Variants in MISP observed in about 807,000 individuals in gnomAD.
MISP encodes mitotic spindle positioning, also known as mitotic interactor and substrate of PLK1.
MISP carries 51 observed loss-of-function variants against 49.3 expected under a neutral mutation model. The observed-to-expected ratio is 1.03, with a 90% CI of 0.83 to 1.31. The LOEUF (loss-of-function observed/expected upper bound fraction) is 1.31. Ranked by LOEUF, MISP falls within the 50% of genes most tolerant of loss-of-function variation. MISP has a pLI of 0.00. For missense variants in MISP, 1,084 were observed against 935.1 expected, an observed-to-expected ratio of 1.16 and a Z score of -2.08; for synonymous variants, 444 against 392.6, an observed-to-expected ratio of 1.13 and a Z score of -1.55.
chr19:763,465 AC>A, intron 4 of MISP, 35 bp from the exon 5 acceptor site: 1 of 1,494,220 alleles, frequency 6.7e-7, no homozygotes, highest in Non-Finnish European at 9.3e-7. Context: ...GTGTGGTAGG[AC>A]CTGGATCGGG....
chr19:763,276 C>T (rs774530382), intron 4 of MISP, among the ~76,000 whole-genome samples: 11 of 152,166 alleles, frequency 7.2e-5, no homozygotes, highest in Non-Finnish European at 1.5e-4. Context: ...GACTCCATCT[C>T]AAAAACAAAC....
chr19:760,117 G>A, intron 3 of MISP, 78 bp downstream of exon 3: 2 of 1,569,124 alleles, frequency 1.3e-6, no homozygotes, highest in East Asian at 2.3e-5. Flanking sequence ...AGTTCAAGCA[G>A]GACTCAAGCC....
In MISP at chr19:763,719, A is replaced by G. The variant is rs1326420113; in HGVS notation, c.*129A>G. 3.0e-6 allele frequency: 2 copies of G among 660,260 alleles called. No individual in the cohort carries two copies. Among genetic ancestry groups the G allele is most frequent in the Non-Finnish European group, 5.4e-6 (2 of 372,220 alleles). 40.9% of individuals were successfully genotyped at this position (660,260 alleles called of 1,614,324 possible). A position where few individuals can be genotyped will look rare whatever the true frequency, so the allele number is the denominator to read the frequency against. ...ATCCAAGAACCACAGCTCATCTGCCAACAATCCCACCATGGGCACATTTGG... is the reference window on the plus strand; with the variant it reads ...ATCCAAGAACCACAGCTCATCTGCCGACAATCCCACCATGGGCACATTTGG... On this transcript the variant is annotated 3_prime_UTR_variant, in exon 5 of 5. Transcript: ENST00000215582.
chr19:749,566 C>T (rs921850696), upstream of MISP, among the ~76,000 whole-genome samples: 3 of 152,190 alleles, frequency 2.0e-5, no homozygotes, highest in East Asian at 3.9e-4. Context: ...CGCCGTGGCT[C>T]GCGCCTGTAA....
chr19:758,651 C>G lies in MISP; in HGVS notation c.1705C>G (p.Leu569Val), dbSNP rs771367454. 11 of 1,614,118 alleles carry G rather than the reference C, an allele frequency of 6.8e-6. No homozygotes were observed. The East Asian group carries it at 1.8e-4, about 26-fold the overall frequency. The change falls in exon 2 of 5, where the codon CTC (leucine) becomes GTC (valine). Residue 569 changes from leucine to valine, a missense_variant. Coordinates refer to ENST00000215582, the MANE Select transcript of MISP (RefSeq NM_173481.4). ...QEVAEERRNA[L>V]FPEVFSPTPD... The stretch of plus-strand genomic sequence containing the variant: ...GGTGGCAGAGGAGCGGAGAAATGCT[C>G]TCTTCCCAGAGGTCTTCTCCCCAAC...
At chr19:748,963 C>T (rs1337049619), upstream of MISP, among the ~76,000 whole-genome samples, 1 of 152,158 alleles carries the variant, frequency 6.6e-6, no homozygotes, top group Non-Finnish European at 1.5e-5. Context: ...ATACTGAAAC[C>T]CTGTCTCTAC....
chr19:762,964 C>T (rs568909753), intron 4 of MISP, among the ~76,000 whole-genome samples: 140 of 152,308 alleles, frequency 9.2e-4, no homozygotes, highest in Admixed American at 3.8e-3. Context: ...GAGCCACTAT[C>T]GCCTGACCCC....
chr19:760,508 G>A (rs1204672777), intron 3 of MISP: 1 of 157,122 alleles, frequency 6.4e-6, no homozygotes, highest in African/African-American at 2.4e-5. Flanking sequence ...TGGGATTACA[G>A]GCGTGCACCA....
Position 757,560 on chromosome 19 carries a change from A to G in MISP, c.614A>G (p.Gln205Arg), listed in dbSNP as rs138591209. The G allele has an allele frequency of 3.2e-4, 509 of 1,612,884 alleles. 2 individuals are homozygous for G. Among genetic ancestry groups the G allele is most frequent in the Middle Eastern group, 3.0e-3 (18 of 6,060 alleles). Reference sequence around the variant, plus strand: ...AGACAGCAGTTCCTGAGTCTGGAGCAGGCGAACAAGGGGGCCCCTCATAGC... The same window carrying G: ...AGACAGCAGTTCCTGAGTCTGGAGCGGGCGAACAAGGGGGCCCCTCATAGC... The part of the protein sequence containing the change: ...AARQQFLSLE[Q>R]ANKGAPHSSP... The change falls in exon 2 of 5, where the codon CAG becomes CGG. Residue 205 changes from glutamine (Q) to arginine (R), a missense_variant. Transcript: ENST00000215582.
chr19:761,592 AG>A, intron 3 of MISP, 32 bp from the exon 4 acceptor site: 1 of 1,613,872 alleles, frequency 6.2e-7, no homozygotes, highest in South Asian at 1.1e-5. Context: ...CAGGGCAGAA[AG>A]GCCTGGGCTG....
upstream of MISP, among the ~76,000 whole-genome samples, chr19:750,937 C>T (rs180830553): frequency 3.8e-4 from 58 of 152,248 alleles, 1 homozygote; most frequent in East Asian, 1.9e-4. Context: ...GAGGGGCAGC[C>T]GGCAGCGGGC....
Position 763,708 on chromosome 19 carries a change from G to A in MISP, c.*118G>A. ...CTAGGTCCAGGATCCAAGAACCACA[G>A]CTCATCTGCCAACAATCCCACCATG... On this transcript the variant is annotated 3_prime_UTR_variant, in exon 5 of 5. Coordinates refer to ENST00000215582, the MANE Select transcript of MISP (RefSeq NM_173481.4). 1.4e-6 allele frequency: 1 copy of A among 692,048 alleles called. No individual in the cohort carries two copies. Among genetic ancestry groups the A allele is most frequent in the Non-Finnish European group, 2.5e-6 (1 of 396,208 alleles). 42.9% of individuals were successfully genotyped at this position (692,048 alleles called of 1,614,324 possible). A position where few individuals can be genotyped will look rare whatever the true frequency, so the allele number is the denominator to read the frequency against.
At chr19:752,556 G>T (rs1428673967) in intron 1 of MISP, among the ~76,000 whole-genome samples, 2 of 150,170 alleles carry the variant, frequency 1.3e-5, no homozygotes, top group Admixed American at 6.6e-5. Context: ...GGTGGGCACT[G>T]AGGCACAGGC....
At chr19:753,259 C>T (rs983266591) in intron 1 of MISP, among the ~76,000 whole-genome samples, 1 of 152,214 alleles carries the variant, frequency 6.6e-6, no homozygotes, top group African/African-American at 2.4e-5. Flanking sequence ...ACATTTGATA[C>T]GCGCGGAAGA....
chr19:752,339 C>T (rs1457169718), intron 1 of MISP, among the ~76,000 whole-genome samples: 2 of 152,100 alleles, frequency 1.3e-5, no homozygotes, highest in African/African-American at 2.4e-5. Context: ...TTTTGGCCGA[C>T]ACAGTGAAAC....
rs775076127 is a variant in MISP, at chr19:758,495, C to T, written c.1549C>T (p.Pro517Ser). ...RPLRFRAPDE[P>S]QQAQVPHVWG... Reference sequence around the variant, plus strand: ...TCTGCGGTTCAGGGCCCCAGACGAGCCCCAGCAGGCCCAAGTCCCCCATGT... The same window carrying T: ...TCTGCGGTTCAGGGCCCCAGACGAGTCCCAGCAGGCCCAAGTCCCCCATGT... Residue 517 changes from proline (P) to serine (S), a missense_variant, in exon 2 of 5, where the codon CCC becomes TCC. By Grantham distance (74) the Pro-to-Ser change is moderately conservative (BLOSUM62 -1). Coordinates refer to ENST00000215582, the MANE Select transcript of MISP (RefSeq NM_173481.4). 8.1e-6 allele frequency: 13 copies of T among 1,613,972 alleles called. No homozygotes were observed. The highest frequency in any genetic ancestry group is 3.3e-5 in the South Asian group (3 of 91,086).
chr19:755,285 G>A (rs1044623790), intron 1 of MISP, among the ~76,000 whole-genome samples: 1 of 152,184 alleles, frequency 6.6e-6, no homozygotes, highest in Non-Finnish European at 1.5e-5. Flanking sequence ...GGTGTCACCC[G>A]CTCGCTCCAC....
Position 751,899 on chromosome 19 carries a change from A to AG in MISP, c.-58+731dup, listed in dbSNP as rs111572571. ...TCCTTGTCTGAGTCTCGGCCCCACA[A>AG]GGGAACCTTTGCCCCTCACATAGAG... On this transcript the variant is annotated intron_variant, in intron 1 of 4. Transcript: ENST00000215582. Among the ~76,000 whole-genome samples the AG allele has an allele frequency of 1.6e-3, 241 of 152,276 alleles. 3 individuals are homozygous for AG. The highest frequency in any genetic ancestry group is 5.5e-3 in the African/African-American group (230 of 41,560).
chr19:754,235 C>T lies in MISP; in HGVS notation c.-57-2655C>T, dbSNP rs548299345. ...ATCCCAACACTTTGGGAGGCCGAGG[C>T]GGGAGGATCACGAGGTCAGGAGATC... On this transcript the variant is annotated intron_variant, in intron 1 of 4. Transcript: ENST00000215582. 5.3e-5 allele frequency among the ~76,000 whole-genome samples: 8 copies of T among 152,156 alleles called. No individual in the cohort carries two copies. The South Asian group carries it at 1.0e-3, about 20-fold the overall frequency.
Sources: gnomAD v4.1 joint callset for allele counts (sites outside exome capture counted in the v4.1 genomes callset) on GRCh38, gnomAD v4.1.1 for gene constraint, MANE v1.5 for transcripts, NCBI Gene and HGNC (gene_info 2026-07-23, HGNC 2026-07-21) for gene names.